Variants in ARB2A observed in about 807,000 individuals in gnomAD.
The protein encoded by ARB2A is cotranscriptional regulator ARB2A.
At chr5:93,891,820 T>C in the ARB2A span, among the ~76,000 whole-genome samples, 3 of 152,264 alleles carry the variant, frequency 2.0e-5, no homozygotes, top group South Asian at 6.2e-4. Context: ...TGGTTGAGGC[T>C]GAAGAAGTGA....
the ARB2A span, among the ~76,000 whole-genome samples, chr5:93,830,311 G>GGATATA: frequency 1.7e-4 from 14 of 82,270 alleles, no homozygotes; most frequent in African/African-American, 6.7e-4. Context: ...GTGTGTGTGT[G>GGATATA]TATATATATA....
At chr5:94,059,423 G>A in the ARB2A span, among the ~76,000 whole-genome samples, 1 of 151,852 alleles carries the variant, frequency 6.6e-6, no homozygotes, top group South Asian at 2.1e-4. Flanking sequence ...AGGGGTTTGA[G>A]ACCAGCCCAG....
At chr5:94,053,183 C>T in the ARB2A span, 3 of 1,598,294 alleles carry the variant, frequency 1.9e-6, no homozygotes, top group Non-Finnish European at 2.6e-6. Context: ...AGAGGCGGTT[C>T]ATCTTTTTTC....
At chr5:93,956,103 G>GA in the ARB2A span, among the ~76,000 whole-genome samples, 2 of 152,230 alleles carry the variant, frequency 1.3e-5, no homozygotes, top group Admixed American at 1.3e-4. Context: ...GGCAACCTCA[G>GA]AAGCACTTGT....
At chr5:94,059,724 A>G in the ARB2A span, among the ~76,000 whole-genome samples, 23 of 151,888 alleles carry the variant, frequency 1.5e-4, no homozygotes, top group Non-Finnish European at 2.4e-4. Context: ...CAAACAAGAC[A>G]ATGGTGCAAC....
chr5:93,673,609 G>C, the ARB2A span, among the ~76,000 whole-genome samples: 1 of 152,186 alleles, frequency 6.6e-6, no homozygotes, highest in Non-Finnish European at 1.5e-5. Flanking sequence ...ACTTATTTAT[G>C]CATCACCATA....
the ARB2A span, among the ~76,000 whole-genome samples, chr5:94,107,432 A>G: frequency 6.6e-6 from 1 of 152,048 alleles, no homozygotes; most frequent in African/African-American, 2.4e-5. Flanking sequence ...ACTAAAGCAA[A>G]GTAATTGATT....
chr5:93,733,100 G>T, the ARB2A span: 1 of 151,388 alleles, frequency 6.6e-6, no homozygotes, highest in Non-Finnish European at 1.5e-5. Context: ...AAACATTTAG[G>T]TTGTTTCTAA....
At chr5:93,619,894 C>T in the ARB2A span, 1 of 152,038 alleles carries the variant, frequency 6.6e-6, no homozygotes, top group Non-Finnish European at 1.5e-5. Context: ...AAGCAGAAAA[C>T]TAAAAGGATA....
At chr5:93,726,816 T>C in the ARB2A span, among the ~76,000 whole-genome samples, 1 of 152,094 alleles carries the variant, frequency 6.6e-6, no homozygotes, top group Non-Finnish European at 1.5e-5. Flanking sequence ...GTATTCATGT[T>C]TGAATTCATG....
the ARB2A span, among the ~76,000 whole-genome samples, chr5:93,646,721 A>T: frequency 6.6e-6 from 1 of 152,108 alleles, no homozygotes; most frequent in Non-Finnish European, 1.5e-5. Context: ...GTGATACATC[A>T]TGTATAGTGA....
At chr5:93,883,661 C>T in the ARB2A span, among the ~76,000 whole-genome samples, 7 of 151,578 alleles carry the variant, frequency 4.6e-5, no homozygotes, top group South Asian at 6.2e-4. Flanking sequence ...ACGCCCTTCT[C>T]AAATTTCAGC....
the ARB2A span, among the ~76,000 whole-genome samples, chr5:94,034,754 G>A: frequency 3.3e-5 from 5 of 152,116 alleles, no homozygotes; most frequent in East Asian, 3.9e-4. Flanking sequence ...TAGGCCAGGC[G>A]TCCCAAACCC....
chr5:94,106,353 T>A, the ARB2A span, among the ~76,000 whole-genome samples: 1 of 151,946 alleles, frequency 6.6e-6, no homozygotes, highest in Non-Finnish European at 1.5e-5. Flanking sequence ...GATATACACA[T>A]GGACAACAAA....
chr5:93,965,384 TA>T, the ARB2A span, among the ~76,000 whole-genome samples: 1 of 151,990 alleles, frequency 6.6e-6, no homozygotes, highest in Non-Finnish European at 1.5e-5. Context: ...TTATAAGCAG[TA>T]AACGAATTCT....
chr5:93,692,196 T>C, the ARB2A span, among the ~76,000 whole-genome samples: 3 of 152,120 alleles, frequency 2.0e-5, no homozygotes, highest in Non-Finnish European at 4.4e-5. Flanking sequence ...TAAATGTAAA[T>C]GGGTTAAAAG....
chr5:93,828,012 A>G, the ARB2A span, among the ~76,000 whole-genome samples: 1 of 152,196 alleles, frequency 6.6e-6, no homozygotes, highest in African/African-American at 2.4e-5. Context: ...TATAGTTTGA[A>G]GTCAGGTAGT....
chr5:93,712,303 G>C, the ARB2A span, among the ~76,000 whole-genome samples: 1 of 152,098 alleles, frequency 6.6e-6, no homozygotes, highest in African/African-American at 2.4e-5. Context: ...TTTTGAAGAG[G>C]GGAGTCTGCA....
the ARB2A span, among the ~76,000 whole-genome samples, chr5:93,767,408 G>C: frequency 6.6e-6 from 1 of 152,120 alleles, no homozygotes; most frequent in Non-Finnish European, 1.5e-5. Flanking sequence ...ATGTGGTGAT[G>C]AGGGAGCACT....
Sources: allele counts gnomAD v4.1 joint callset (sites outside exome capture counted in the v4.1 genomes callset), GRCh38; gene constraint gnomAD v4.1.1; transcripts MANE v1.5; gene names NCBI Gene and HGNC (gene_info 2026-07-23, HGNC 2026-07-21).